The following C8orf34 variants were observed in gnomAD, a reference collection of about 807,000 sequenced individuals.
C8orf34 encodes uncharacterized protein C8orf34.
A neutral mutation model predicts 68.3 loss-of-function variants in C8orf34; 65 were observed. The observed-to-expected ratio is 0.95, with a 90% CI of 0.78 to 1.17. The LOEUF (loss-of-function observed/expected upper bound fraction) is 1.17. C8orf34 is among the 50% of genes most tolerant of loss of function. C8orf34 has a pLI of 0.00. For synonymous variants in C8orf34, 244 were observed against 241.2 expected, an observed-to-expected ratio of 1.01 and a Z score of -0.11; for missense variants, 664 against 655.4, an observed-to-expected ratio of 1.01 and a Z score of -0.14.
At chr8:68,434,578 T>C (rs1014264808) in intron 1 of C8orf34, among the ~76,000 whole-genome samples, 1 of 152,206 alleles carries the variant, frequency 6.6e-6, no homozygotes, top group African/African-American at 2.4e-5. Flanking sequence ...TCCGAGTCTT[T>C]GCTATCGTAA....
Position 68,554,839 on chromosome 8 carries a change from C to T in C8orf34, c.1105+21690C>T, listed in dbSNP as rs144448578. On this transcript the variant is annotated intron_variant, in intron 7 of 13. Coordinates refer to ENST00000518698, the MANE Select transcript of C8orf34 (RefSeq NM_052958.4). ...GCATGGAATTGTGTATACACACCCA[C>T]ATATCTTTTTTAAAAAAATTACTTT... Among the ~76,000 whole-genome samples, 651 of 152,208 alleles carry T rather than the reference C, an allele frequency of 4.3e-3. 10 individuals are homozygous for T. The highest frequency in any genetic ancestry group is 0.015 in the African/African-American group (609 of 41,562).
intron 7 of C8orf34, chr8:68,535,203 CT>C: frequency 1.0e-6 from 1 of 982,544 alleles, no homozygotes; most frequent in Non-Finnish European, 1.2e-6. Flanking sequence ...ATGCTAAGTT[CT>C]TGGAAATTTA....
chr8:68,642,168 A>G lies in C8orf34; in HGVS notation c.1241+1657A>G, dbSNP rs189959891. 3.9e-5 allele frequency among the ~76,000 whole-genome samples: 6 copies of G among 152,314 alleles called. No homozygotes were observed. In the East Asian group the frequency reaches 1.2e-3, roughly 29 times the overall value. ...TAGTCATTCTGCTTTATTGGTAAGC[A>G]CCAAGTTATTGTCTGAAGGTGAAGA... On this transcript the variant is annotated intron_variant, in intron 8 of 13. Coordinates refer to ENST00000518698, the MANE Select transcript of C8orf34 (RefSeq NM_052958.4).
At chr8:68,704,395 C>T (rs1475661481) in intron 8 of C8orf34, among the ~76,000 whole-genome samples, 1 of 151,996 alleles carries the variant, frequency 6.6e-6, no homozygotes, top group Admixed American at 6.6e-5. Flanking sequence ...AATAACAAAA[C>T]ACCTGAAAAA....
At chr8:68,362,059 T>C (rs1306237854) in intron 1 of C8orf34, among the ~76,000 whole-genome samples, 1 of 152,210 alleles carries the variant, frequency 6.6e-6, no homozygotes, top group Non-Finnish European at 1.5e-5. Flanking sequence ...ATCTGTGTAG[T>C]TGCAAATGTG....
At chr8:68,371,819 C>T (rs557945602) in intron 1 of C8orf34, among the ~76,000 whole-genome samples, 65 of 152,086 alleles carry the variant, frequency 4.3e-4, no homozygotes, top group African/African-American at 1.4e-3. Flanking sequence ...AGGCTGGTCT[C>T]GAACTCCTGA....
chr8:68,458,005 C>T (rs1811625335), intron 3 of C8orf34, among the ~76,000 whole-genome samples: 1 of 151,834 alleles, frequency 6.6e-6, no homozygotes, highest in Admixed American at 6.6e-5. Context: ...AATTTATTTC[C>T]ATTACTTATA....
chr8:68,609,586 G>A (rs1817951381), intron 7 of C8orf34, among the ~76,000 whole-genome samples: 1 of 152,112 alleles, frequency 6.6e-6, no homozygotes, highest in Non-Finnish European at 1.5e-5. Flanking sequence ...GTCTCATTGG[G>A]TTTGGCATTT....
Position 68,530,077 on chromosome 8 carries a change from A to G in C8orf34, c.939-2906A>G, listed in dbSNP as rs1586327335. Among the ~76,000 whole-genome samples, 5 of 152,200 alleles carry G rather than the reference A, an allele frequency of 3.3e-5. No homozygotes were observed. The South Asian group carries it at 1.0e-3, about 31-fold the overall frequency. ...TAAGCATAGAATATTATAAAGTATA[A>G]TATTCTATTACATTTTGTTAAATTT... On this transcript the variant is annotated intron_variant, in intron 6 of 13. Coordinates refer to ENST00000518698, the MANE Select transcript of C8orf34 (RefSeq NM_052958.4).
intron 7 of C8orf34, among the ~76,000 whole-genome samples, chr8:68,591,160 A>G (rs1317460560): frequency 2.0e-5 from 3 of 152,176 alleles, no homozygotes; most frequent in Non-Finnish European, 4.4e-5. Context: ...ATGGCATGAA[A>G]GGGTCTAAGT....
chr8:68,783,536 A>T (rs1823754062), intron 11 of C8orf34, among the ~76,000 whole-genome samples: 1 of 151,398 alleles, frequency 6.6e-6, no homozygotes, highest in Admixed American at 6.6e-5. Flanking sequence ...AAAAAAAAAA[A>T]AAAAAAAAAA....
At chr8:68,785,984 T>C (rs565661838) in intron 11 of C8orf34, among the ~76,000 whole-genome samples, 12 of 152,344 alleles carry the variant, frequency 7.9e-5, no homozygotes, top group Non-Finnish European at 1.6e-4. Flanking sequence ...AAAGTGGACA[T>C]TTAATGACTG....
At chr8:68,741,271 A>G (rs1242329887) in intron 10 of C8orf34, among the ~76,000 whole-genome samples, 1 of 152,230 alleles carries the variant, frequency 6.6e-6, no homozygotes, top group African/African-American at 2.4e-5. Context: ...ATTACCTTAT[A>G]TAATTTTTTT....
At chr8:68,566,553 A>T (rs1006164437) in intron 7 of C8orf34, among the ~76,000 whole-genome samples, 1 of 152,016 alleles carries the variant, frequency 6.6e-6, no homozygotes, top group African/African-American at 2.4e-5. Context: ...CTTTCCTTAA[A>T]CCTCATGAAC....
At position 68,705,062 on chromosome 8, in the gene C8orf34, T is replaced by C. The variant is rs367778382; in HGVS notation, c.1242-3932T>C. On this transcript the variant is annotated intron_variant, in intron 8 of 13. Transcript: ENST00000518698. ...AGATTCGAGACATTTCTTTAAGAAG[T>C]AGATTCAGCAAGACAGATTGGTTAG... Among the ~76,000 whole-genome samples, 220 of 152,228 alleles carry C rather than the reference T, an allele frequency of 1.4e-3. 1 individual carries two copies. Among genetic ancestry groups the C allele is most frequent in the African/African-American group, 5.1e-3 (213 of 41,534 alleles).
At chr8:68,651,715 A>C (rs184091415) in intron 8 of C8orf34, among the ~76,000 whole-genome samples, 1 of 152,230 alleles carries the variant, frequency 6.6e-6, no homozygotes, top group Non-Finnish European at 1.5e-5. Context: ...ACACATGGAC[A>C]TAAGGATGGA....
At chr8:68,435,883 G>A (rs537748816) in intron 1 of C8orf34, among the ~76,000 whole-genome samples, 7 of 152,168 alleles carry the variant, frequency 4.6e-5, no homozygotes, top group Non-Finnish European at 1.0e-4. Flanking sequence ...GATGGAATAT[G>A]AATGTTAAAG....
At chr8:68,713,844 G>C (rs7835401) in intron 9 of C8orf34, among the ~76,000 whole-genome samples, 29,820 of 151,896 alleles carry the variant, frequency 0.2, 3,375 homozygotes, top group East Asian at 0.54. Context: ...AACACGAAAA[G>C]AAAACTACAG....
intron 7 of C8orf34, among the ~76,000 whole-genome samples, chr8:68,626,412 A>G (rs1193127203): frequency 6.6e-6 from 1 of 152,236 alleles, no homozygotes; most frequent in African/African-American, 2.4e-5. Flanking sequence ...CTGACTTCAG[A>G]CAGAGTCAAC....
Sources: gnomAD v4.1 joint callset for allele counts (sites outside exome capture counted in the v4.1 genomes callset) on GRCh38, gnomAD v4.1.1 for gene constraint, MANE v1.5 for transcripts, NCBI Gene and HGNC (gene_info 2026-07-23, HGNC 2026-07-21) for gene names.